ADGRB3: variants seen among roughly 807,000 people sequenced by gnomAD.
ADGRB3 encodes adhesion G protein-coupled receptor B3, also known as brain-specific angiogenesis inhibitor 3.
Under a neutral mutation model 193.4 loss-of-function variants are expected in ADGRB3, and 37 were observed. The observed-to-expected ratio is 0.19, with a 90% CI of 0.15 to 0.25. The LOEUF (loss-of-function observed/expected upper bound fraction) is 0.25. Among genes scored for constraint, ADGRB3 ranks in the 10% least tolerant of loss-of-function variants. The pLI is 1.00. For synonymous variants in ADGRB3, 690 were observed against 644.2 expected (o/e 1.07, Z -1.08); for missense variants, 1,637 against 1,852.9 (o/e 0.88, Z 2.14).
chr6:68,731,183 C>G (rs1765767586), intron 3 of ADGRB3, among the ~76,000 whole-genome samples: 2 of 151,670 alleles, frequency 1.3e-5, no homozygotes, highest in Admixed American at 1.3e-4. Flanking sequence ...ATATAACTTA[C>G]TATTTGGTAA....
chr6:69,285,948 T>C (rs1767543167), intron 20 of ADGRB3, among the ~76,000 whole-genome samples: 2 of 152,030 alleles, frequency 1.3e-5, no homozygotes, highest in African/African-American at 4.8e-5. Context: ...TAATTAAATG[T>C]TTCTCTGATT....
intron 3 of ADGRB3, among the ~76,000 whole-genome samples, chr6:68,785,552 A>G (rs1021985933): frequency 1.3e-5 from 2 of 150,946 alleles, no homozygotes; most frequent in Non-Finnish European, 2.9e-5. Flanking sequence ...AATCCAGTCT[A>G]TCGTTGTTGG....
intron 3 of ADGRB3, among the ~76,000 whole-genome samples, chr6:68,681,069 A>G (rs1042732836): frequency 4.6e-5 from 7 of 152,104 alleles, no homozygotes; most frequent in African/African-American, 1.7e-4. Flanking sequence ...GAGGAAGGCT[A>G]AGGGGAATAG....
intron 3 of ADGRB3, among the ~76,000 whole-genome samples, chr6:68,802,646 T>A (rs1182947287): frequency 1.3e-5 from 2 of 152,208 alleles, no homozygotes; most frequent in Non-Finnish European, 2.9e-5. Flanking sequence ...GCTAATCACT[T>A]GCTTAATGAA....
intron 12 of ADGRB3, among the ~76,000 whole-genome samples, chr6:69,017,705 G>A (rs1277660576): frequency 3.3e-5 from 5 of 151,904 alleles, no homozygotes; most frequent in Non-Finnish European, 7.4e-5. Context: ...CAGTTAGGTA[G>A]ATACTGCTTA....
intron 11 of ADGRB3, among the ~76,000 whole-genome samples, chr6:69,000,563 G>C (rs1769545082): frequency 6.6e-6 from 1 of 152,058 alleles, no homozygotes; most frequent in Non-Finnish European, 1.5e-5. Context: ...ACCATTCTGG[G>C]CTCATTTTAA....
intron 17 of ADGRB3, among the ~76,000 whole-genome samples, chr6:69,218,670 A>G (rs1561956486): frequency 6.6e-6 from 1 of 152,080 alleles, no homozygotes; most frequent in Non-Finnish European, 1.5e-5. Flanking sequence ...GTTTGTTTTT[A>G]TAGGAGGCTT....
At chr6:68,898,869 C>T (rs1172842796) in intron 3 of ADGRB3, among the ~76,000 whole-genome samples, 1 of 151,978 alleles carries the variant, frequency 6.6e-6, no homozygotes, top group East Asian at 1.9e-4. Context: ...ACTAGTGCAC[C>T]TCAAAACCAT....
At chr6:69,177,203 C>T (rs1403099631) in intron 17 of ADGRB3, among the ~76,000 whole-genome samples, 4 of 151,964 alleles carry the variant, frequency 2.6e-5, no homozygotes, top group African/African-American at 9.7e-5. Context: ...GTTCTTCTGG[C>T]TGTGATGTTA....
intron 3 of ADGRB3, among the ~76,000 whole-genome samples, chr6:68,749,973 G>A (rs527898918): frequency 4.8e-4 from 73 of 152,224 alleles, no homozygotes; most frequent in Admixed American, 1.4e-3. Flanking sequence ...TAACCCACGT[G>A]TAACCTCTCT....
At position 69,318,054 on chromosome 6, in the gene ADGRB3, C is replaced by A. The variant is rs1768356158; in HGVS notation, c.2815-6818C>A. Reference sequence around the variant, plus strand: ...GGAGATATATTATCTGCAATGACAACAATGTGTATCTTTATTTTTGTCTTT... The same window carrying A: ...GGAGATATATTATCTGCAATGACAAAAATGTGTATCTTTATTTTTGTCTTT... On this transcript the variant is annotated intron_variant, in intron 20 of 31. Coordinates refer to ENST00000370598, the MANE Select transcript of ADGRB3 (RefSeq NM_001704.3). Among the ~76,000 whole-genome samples the A allele has an allele frequency of 3.3e-5, 5 of 151,250 alleles. No homozygotes were observed. In the Admixed American group the frequency reaches 3.3e-4, roughly 10 times the overall value.
chr6:69,013,912 G>A (rs528955262), intron 11 of ADGRB3, 126 bp from the exon 12 acceptor site: 77 of 531,518 alleles, frequency 1.4e-4, no homozygotes, highest in South Asian at 9.1e-4. Context: ...AGAATACTAT[G>A]TTAGGGTCAT....
At chr6:69,052,676 G>A (rs1364946313) in intron 15 of ADGRB3, among the ~76,000 whole-genome samples, 1 of 152,054 alleles carries the variant, frequency 6.6e-6, no homozygotes, top group Non-Finnish European at 1.5e-5. Flanking sequence ...CTCTTTTATT[G>A]AGATATTTCT....
At chr6:68,809,522 A>G (rs1412242407) in intron 3 of ADGRB3, among the ~76,000 whole-genome samples, 2 of 152,218 alleles carry the variant, frequency 1.3e-5, no homozygotes, top group African/African-American at 2.4e-5. Context: ...TATAAAAAGC[A>G]TGTATCTTGG....
chr6:68,759,513 T>G (rs928263985), intron 3 of ADGRB3, among the ~76,000 whole-genome samples: 1 of 152,138 alleles, frequency 6.6e-6, no homozygotes, highest in African/African-American at 2.4e-5. Context: ...GGTCTCTTTA[T>G]TTTTAATACA....
At chr6:69,219,802 G>T (rs1249078565) in intron 17 of ADGRB3, among the ~76,000 whole-genome samples, 3 of 151,672 alleles carry the variant, frequency 2.0e-5, no homozygotes. Context: ...AGAAATCAGT[G>T]TCAAAATTCC....
intron 10 of ADGRB3, among the ~76,000 whole-genome samples, chr6:68,976,470 C>T (rs1053732821): frequency 6.6e-6 from 1 of 152,048 alleles, no homozygotes; most frequent in African/African-American, 2.4e-5. Context: ...GGCGCCAACA[C>T]CCAGGGCAGT....
chr6:69,330,654 A>G (rs975045872), intron 23 of ADGRB3, 82 bp downstream of exon 23: 1 of 1,165,706 alleles, frequency 8.6e-7, no homozygotes, highest in African/African-American at 1.6e-5. Context: ...GGCAATTTTG[A>G]TAATGTAGTT....
In ADGRB3 at chr6:69,069,951, T is replaced by A. The variant is rs1394323879; in HGVS notation, c.2437-6044T>A. 2.0e-5 allele frequency among the ~76,000 whole-genome samples: 3 copies of A among 152,158 alleles called. No individual in the cohort carries two copies. In the South Asian group the frequency reaches 6.2e-4, roughly 32 times the overall value. On this transcript the variant is annotated intron_variant, in intron 16 of 31. Transcript: ENST00000370598. ...GTCATTTTAAAGTAATGCCTTGCCATCTAAAATTTAGGAAATTAAAGAGAG... is the reference window on the plus strand; with the variant it reads ...GTCATTTTAAAGTAATGCCTTGCCAACTAAAATTTAGGAAATTAAAGAGAG...
Sources: allele counts gnomAD v4.1 joint callset (sites outside exome capture counted in the v4.1 genomes callset), GRCh38; gene constraint gnomAD v4.1.1; transcripts MANE v1.5; gene names NCBI Gene and HGNC (gene_info 2026-07-23, HGNC 2026-07-21).